Variants in CSGALNACT2 observed in about 807,000 individuals in gnomAD.
CSGALNACT2 encodes chondroitin sulfate N-acetylgalactosaminyltransferase 2, also known as beta 4 GalNAcT-2.
CSGALNACT2 carries 35 observed loss-of-function variants against 55.3 expected under a neutral mutation model. The observed-to-expected ratio is 0.63, with a 90% CI of 0.48 to 0.84. CSGALNACT2 has a LOEUF of 0.84. Among genes scored for constraint, CSGALNACT2 ranks in the 40% least tolerant of loss-of-function variants. CSGALNACT2 has a pLI of 0.00. For missense variants in CSGALNACT2, 544 were observed against 657.5 expected (o/e 0.83, Z 1.89); for synonymous variants, 196 against 224.9 (o/e 0.87, Z 1.15).
chr10:43,182,167 C>CT (rs755585675), intron 7 of CSGALNACT2, among the ~76,000 whole-genome samples: 1 of 152,006 alleles, frequency 6.6e-6, no homozygotes, highest in South Asian at 2.1e-4. Flanking sequence ...CCCCATCACT[C>CT]TATCAGAATT....
intron 1 of CSGALNACT2, among the ~76,000 whole-genome samples, chr10:43,142,566 G>C (rs981136918): frequency 6.6e-6 from 1 of 152,218 alleles, no homozygotes; most frequent in African/African-American, 2.4e-5. Flanking sequence ...AAAATTATAT[G>C]AAGTTCAAAT....
chr10:43,170,363 C>G (rs1839359182), intron 6 of CSGALNACT2, among the ~76,000 whole-genome samples: 1 of 152,258 alleles, frequency 6.6e-6, no homozygotes, highest in South Asian at 2.1e-4. Context: ...AAAAAATATA[C>G]AAGAAGACCC....
At chr10:43,146,681 T>C (rs1483067371) in intron 1 of CSGALNACT2, among the ~76,000 whole-genome samples, 1 of 150,764 alleles carries the variant, frequency 6.6e-6, no homozygotes, top group Non-Finnish European at 1.5e-5. Context: ...TGAGCTATAA[T>C]ATGATAGAGG....
At chr10:43,181,792 T>C (rs1416924722) in intron 7 of CSGALNACT2, among the ~76,000 whole-genome samples, 1 of 142,586 alleles carries the variant, frequency 7.0e-6, no homozygotes, top group Non-Finnish European at 1.5e-5. Flanking sequence ...AAATAAAAAT[T>C]ATTTGACAGG....
rs561081922 is a variant in CSGALNACT2, at chr10:43,174,921, T to C, written c.1255-1030T>C. On this transcript the variant is annotated intron_variant, in intron 6 of 7. Transcript: ENST00000374466. Reference sequence around the variant, plus strand: ...AAGTATGAATAAAATAAAAGGTTTATCAGGCTTCAACTTGTAAGCAGAAGT... The same window carrying C: ...AAGTATGAATAAAATAAAAGGTTTACCAGGCTTCAACTTGTAAGCAGAAGT... Among the ~76,000 whole-genome samples, 138 of 152,348 alleles carry C rather than the reference T, an allele frequency of 9.1e-4. No individual in the cohort carries two copies. The South Asian group carries it at 0.011, about 12-fold the overall frequency.
At chr10:43,161,538 T>A (rs1460544513) in intron 4 of CSGALNACT2, among the ~76,000 whole-genome samples, 1 of 152,200 alleles carries the variant, frequency 6.6e-6, no homozygotes, top group Non-Finnish European at 1.5e-5. Context: ...CCAGGTACAC[T>A]GCTTGGGAGT....
At chr10:43,143,159 G>A (rs956497562) in intron 1 of CSGALNACT2, among the ~76,000 whole-genome samples, 3 of 152,176 alleles carry the variant, frequency 2.0e-5, no homozygotes. Context: ...TGGCTCCCAA[G>A]CCTATTGTGG....
chr10:43,158,066 A>G (rs1461857534), intron 2 of CSGALNACT2, among the ~76,000 whole-genome samples: 1 of 151,052 alleles, frequency 6.6e-6, no homozygotes, highest in East Asian at 1.9e-4. Context: ...TGCCTCGTAG[A>G]TGCGCATGCT....
At chr10:43,164,121 G>T in intron 5 of CSGALNACT2, 77 bp downstream of exon 5, 1 of 1,203,642 alleles carries the variant, frequency 8.3e-7, no homozygotes, top group Non-Finnish European at 1.1e-6. Context: ...TGAATCAAGT[G>T]ATTTTGAGGG....
intron 6 of CSGALNACT2, among the ~76,000 whole-genome samples, chr10:43,168,904 G>T (rs190184531): frequency 6.6e-6 from 1 of 152,192 alleles, no homozygotes; most frequent in Non-Finnish European, 1.5e-5. Context: ...AGCAGTTAGC[G>T]TAAGATTTCT....
intron 4 of CSGALNACT2, chr10:43,162,837 A>G (rs1347722288): frequency 5.3e-6 from 5 of 945,420 alleles, no homozygotes; most frequent in African/African-American, 1.8e-5. Context: ...TAACACAGGA[A>G]GCTGATGCTG....
intron 5 of CSGALNACT2, among the ~76,000 whole-genome samples, chr10:43,164,739 C>T (rs993275343): frequency 8.6e-5 from 13 of 150,950 alleles, no homozygotes; most frequent in African/African-American, 2.7e-4. Context: ...CCTAGCTACT[C>T]GGGTGGCTGA....
intron 4 of CSGALNACT2, chr10:43,162,734 G>T: frequency 1.0e-6 from 1 of 965,386 alleles, no homozygotes; most frequent in Non-Finnish European, 1.2e-6. Context: ...GAGTCACCAG[G>T]AGGACTTGTG....
chr10:43,162,436 G>T, intron 4 of CSGALNACT2: 1 of 985,400 alleles, frequency 1.0e-6, no homozygotes, highest in South Asian at 4.7e-5. Context: ...GTTGGGGTGG[G>T]CAGAGAGTGA....
intron 4 of CSGALNACT2, chr10:43,163,123 G>A: frequency 1.0e-6 from 1 of 985,218 alleles, no homozygotes; most frequent in Non-Finnish European, 1.2e-6. Context: ...TAATTATTTT[G>A]AATGACCTTT....
chr10:43,183,964 A>T lies in CSGALNACT2; in HGVS notation c.*422A>T, dbSNP rs1465999538. The T allele has an allele frequency of 6.1e-6, 1 of 163,514 alleles. No individual in the cohort carries two copies. The highest frequency in any genetic ancestry group is 1.3e-5 in the Non-Finnish European group (1 of 74,760). 10.1% of individuals were successfully genotyped at this position (163,514 alleles called of 1,614,324 possible). A position where few individuals can be genotyped will look rare whatever the true frequency, so the allele number is the denominator to read the frequency against. ...TTATGAGCATAGTATGTGGATAGGT[A>T]TCTTCACCTGCCCGCCCCTGAGTCA... On this transcript the variant is annotated 3_prime_UTR_variant, in exon 8 of 8. Coordinates refer to ENST00000374466, the MANE Select transcript of CSGALNACT2 (RefSeq NM_018590.5).
intron 1 of CSGALNACT2, among the ~76,000 whole-genome samples, chr10:43,143,884 C>G (rs937663827): frequency 6.6e-6 from 1 of 152,128 alleles, no homozygotes; most frequent in African/African-American, 2.4e-5. Context: ...TTCAGATGAT[C>G]AGTACTTACA....
At chr10:43,149,144 G>T (rs190816962) in intron 1 of CSGALNACT2, among the ~76,000 whole-genome samples, 253 of 152,268 alleles carry the variant, frequency 1.7e-3, no homozygotes, top group Middle Eastern at 6.8e-3. Context: ...GTGCAGTGGC[G>T]TGATCTCGGC....
chr10:43,179,265 T>A (rs1053923264), intron 7 of CSGALNACT2, among the ~76,000 whole-genome samples: 2 of 151,266 alleles, frequency 1.3e-5, no homozygotes, highest in East Asian at 1.9e-4. Flanking sequence ...TTTTTTTTTT[T>A]AAGCGTATGT....
Sources: allele counts gnomAD v4.1 joint callset (sites outside exome capture counted in the v4.1 genomes callset), GRCh38; gene constraint gnomAD v4.1.1; transcripts MANE v1.5; gene names NCBI Gene and HGNC (gene_info 2026-07-23, HGNC 2026-07-21).